FAM47E: variants seen among roughly 807,000 people sequenced by gnomAD.
FAM47E encodes family with sequence similarity 47 member E, also known as protein FAM47E.
In FAM47E, 32 loss-of-function variants were observed where a neutral mutation model predicts 41.6. The ratio of observed to expected loss-of-function variants is 0.77; its 90% confidence interval spans 0.58 to 1.03. The LOEUF is 1.03. Among genes scored for constraint, FAM47E ranks in the 50% least tolerant of loss-of-function variants. The pLI is 0.00. For synonymous variants in FAM47E, 184 were observed against 188.7 expected, an observed-to-expected ratio of 0.98 and a Z score of 0.20; for missense variants, 424 against 485.4, an observed-to-expected ratio of 0.87 and a Z score of 1.19.
intron 6 of FAM47E, chr4:76,278,945 GA>G (rs1249174738): frequency 6.6e-6 from 1 of 152,172 alleles, no homozygotes; most frequent in East Asian, 1.9e-4. Context: ...ACTTCTCCTA[GA>G]TAACAGACGT....
chr4:76,272,938 G>T (rs1029645709), intron 5 of FAM47E, among the ~76,000 whole-genome samples: 2 of 152,100 alleles, frequency 1.3e-5, no homozygotes, highest in Non-Finnish European at 2.9e-5. Context: ...ATTTCTTCCA[G>T]GGTGGATCTG....
chr4:76,245,399 A>G (rs1325994479), intron 2 of FAM47E, among the ~76,000 whole-genome samples: 1 of 152,192 alleles, frequency 6.6e-6, no homozygotes, highest in African/African-American at 2.4e-5. Context: ...CAAGAGTTTG[A>G]GTCATGTGAC....
intron 2 of FAM47E, among the ~76,000 whole-genome samples, chr4:76,257,906 G>A (rs975067234): frequency 2.0e-5 from 3 of 151,594 alleles, no homozygotes; most frequent in Admixed American, 1.3e-4. Context: ...GTCCTATGGC[G>A]GACACTCAAT....
rs983850203 is a variant in FAM47E, at chr4:76,283,660, G to A, written c.*202G>A. ...TTCTGCTTCAGTTAATCAACATTTT[G>A]TATACTTTATCACCCATGAGATCAA... On this transcript the variant is annotated 3_prime_UTR_variant, in exon 8 of 8. Coordinates refer to ENST00000424749, the MANE Select transcript of FAM47E (RefSeq NM_001136570.3). The A allele has an allele frequency of 1.8e-5, 9 of 489,066 alleles. No homozygotes were observed. Among genetic ancestry groups the A allele is most frequent in the Admixed American group, 6.8e-5 (2 of 29,456 alleles). The allele number at this position is 489,066 out of a possible 1,614,324, so 30.3% of individuals were successfully genotyped here. A position where few individuals can be genotyped will look rare whatever the true frequency, so the allele number is the denominator to read the frequency against.
chr4:76,237,859 G>A lies in FAM47E; in HGVS notation c.81+20171G>A, dbSNP rs570239318. 3.7e-4 allele frequency among the ~76,000 whole-genome samples: 57 copies of A among 152,204 alleles called. No homozygotes were observed. The South Asian group carries it at 4.2e-3, about 11-fold the overall frequency. ...TCACTATAACAAGAACTGCACCAAG[G>A]GGCTGGGGCTAAATCATTCCTGAGA... On this transcript the variant is annotated intron_variant, in intron 2 of 7. Coordinates refer to the FAM47E transcript ENST00000510197.
intron 2 of FAM47E, among the ~76,000 whole-genome samples, 157 bp downstream of exon 2, chr4:76,256,680 C>T (rs1027279558): frequency 2.6e-5 from 4 of 152,178 alleles, no homozygotes; most frequent in African/African-American, 9.7e-5. Context: ...CTCAGAGCAG[C>T]CTTCTGTCCT....
chr4:76,216,521 T>C (rs1733210735), intron 1 of FAM47E, among the ~76,000 whole-genome samples: 1 of 152,212 alleles, frequency 6.6e-6, no homozygotes, highest in Non-Finnish European at 1.5e-5. Context: ...TCATTGTTCA[T>C]TGAGGTCCCT....
At chr4:76,280,841 G>C (rs1199353540) in intron 7 of FAM47E, 1 of 152,350 alleles carries the variant, frequency 6.6e-6, no homozygotes, top group Non-Finnish European at 1.5e-5. Flanking sequence ...CTTCCTGGGG[G>C]GCCTGGCCAG....
At chr4:76,244,598 T>A (rs1168109357) in intron 2 of FAM47E, among the ~76,000 whole-genome samples, 2 of 143,604 alleles carry the variant, frequency 1.4e-5, no homozygotes, top group Non-Finnish European at 3.0e-5. Flanking sequence ...TGGAGTGCAG[T>A]GGCGTGATCT....
At chr4:76,256,046 A>T (rs1379284339) in intron 1 of FAM47E, 132 bp from the exon 2 acceptor site, 2 of 1,021,854 alleles carry the variant, frequency 2.0e-6, no homozygotes, top group African/African-American at 3.3e-5. Flanking sequence ...AGTGAATCCC[A>T]CTTCCCCTAC....
chr4:76,268,855 G>A, intron 4 of FAM47E, 87 bp downstream of exon 4: 4 of 1,489,158 alleles, frequency 2.7e-6, no homozygotes, highest in Non-Finnish European at 3.6e-6. Flanking sequence ...TAAATGTCAA[G>A]CTCAAAGTTG....
At chr4:76,233,150 A>G (rs1733521632) in intron 2 of FAM47E, among the ~76,000 whole-genome samples, 1 of 152,202 alleles carries the variant, frequency 6.6e-6, no homozygotes, top group African/African-American at 2.4e-5. Context: ...AGTCTCAATT[A>G]CATGTTGTAA....
intron 1 of FAM47E, among the ~76,000 whole-genome samples, chr4:76,252,591 G>A (rs1344134047): frequency 1.3e-5 from 2 of 152,138 alleles, no homozygotes; most frequent in Non-Finnish European, 2.9e-5. Flanking sequence ...TAAGATTGTC[G>A]TGAGGATTAA....
In FAM47E at chr4:76,271,773, T is replaced by C. The variant is rs1415901400; in HGVS notation, c.870+5T>C. The C allele has an allele frequency of 1.3e-6, 2 of 1,549,744 alleles. No homozygotes were observed. The highest frequency in any genetic ancestry group is 4.9e-5 in the East Asian group (2 of 40,910). ...AGGAAACTCCAGAAACCACAGGTAA[T>C]TGCAGAAGGGGACCAGACCGAAAAT... On this transcript the variant is annotated splice_donor_5th_base_variant and intron_variant, in intron 5 of 7. Transcript: ENST00000424749.
chr4:76,272,854 G>A (rs1734948845), intron 5 of FAM47E, among the ~76,000 whole-genome samples: 1 of 151,884 alleles, frequency 6.6e-6, no homozygotes, highest in African/African-American at 2.4e-5. Flanking sequence ...GCAAATGGAG[G>A]GTCACTATAC....
At chr4:76,282,387 G>C (rs371171812) in intron 7 of FAM47E, 8 of 152,126 alleles carry the variant, frequency 5.3e-5, no homozygotes, top group African/African-American at 1.7e-4. Flanking sequence ...CCATGTGTCC[G>C]TTTATAGGCT....
intron 1 of FAM47E, among the ~76,000 whole-genome samples, chr4:76,254,533 C>T (rs1022034431): frequency 1.3e-5 from 2 of 152,070 alleles, no homozygotes; most frequent in African/African-American, 2.4e-5. Flanking sequence ...TCTAGATCTT[C>T]ACAGTAGAGT....
At chr4:76,272,435 A>G (rs1307896488) in intron 5 of FAM47E, among the ~76,000 whole-genome samples, 1 of 152,208 alleles carries the variant, frequency 6.6e-6, no homozygotes, top group East Asian at 1.9e-4. Flanking sequence ...ATGAAAAACA[A>G]TATTTTATCT....
intron 5 of FAM47E, among the ~76,000 whole-genome samples, chr4:76,272,735 C>T (rs1469087791): frequency 6.6e-6 from 1 of 152,128 alleles, no homozygotes; most frequent in Admixed American, 6.6e-5. Context: ...CACTGCTTGT[C>T]CTGATTCTGG....
Sources: allele counts gnomAD v4.1 joint callset (sites outside exome capture counted in the v4.1 genomes callset), GRCh38; gene constraint gnomAD v4.1.1; transcripts MANE v1.5; gene names NCBI Gene and HGNC (gene_info 2026-07-23, HGNC 2026-07-21).